The following BBS1 variants were observed in gnomAD, a reference collection of about 807,000 sequenced individuals.
BBS1 encodes the protein Bardet-Biedl syndrome 1.
In BBS1, 60 loss-of-function variants were observed where a neutral mutation model predicts 73.9. The observed-to-expected ratio is 0.81, with a 90% CI of 0.66 to 1.01. The LOEUF (loss-of-function observed/expected upper bound fraction) is 1.01. Among genes scored for constraint, BBS1 ranks in the 50% least tolerant of loss-of-function variants. BBS1 has a pLI of 0.00. For synonymous variants in BBS1, 283 were observed against 317.4 expected (o/e 0.89, Z 1.15); for missense variants, 718 against 770.3 (o/e 0.93, Z 0.80).
Position 66,531,861 on chromosome 11 carries a change from G to A in BBS1, c.1696-90G>A. 3 of 1,594,700 alleles carry A rather than the reference G, an allele frequency of 1.9e-6. No homozygotes were observed. The South Asian group carries it at 3.4e-5, about 18-fold the overall frequency. ...GTGGGGGTGGGGGTATCTGCACAGTGGAGCCCTGTGGCCTGTCATTAGGGC... is the reference window on the plus strand; with the variant it reads ...GTGGGGGTGGGGGTATCTGCACAGTAGAGCCCTGTGGCCTGTCATTAGGGC... On this transcript the variant is annotated intron_variant, in intron 16 of 16. Transcript: ENST00000318312.
At chr11:66,530,717 G>T (rs1856741156) in intron 14 of BBS1, among the ~76,000 whole-genome samples, 177 bp from the exon 15 acceptor site, 1 of 152,152 alleles carries the variant, frequency 6.6e-6, no homozygotes, top group African/African-American at 2.4e-5. Flanking sequence ...TCAGGCTCTT[G>T]CCCTCTCTGG....
At chr11:66,511,260 A>C (rs935704561) in intron 3 of BBS1, 21 bp downstream of exon 3, 1 of 1,613,850 alleles carries the variant, frequency 6.2e-7, no homozygotes, top group Admixed American at 1.7e-5. Context: ...CACCCTAGCC[A>C]GGAGAGTTGA....
Position 66,529,906 on chromosome 11 carries a change from G to T in BBS1, c.1427G>T (p.Ser476Ile). 1 of 1,607,220 alleles carries T rather than the reference G, an allele frequency of 6.2e-7. No homozygotes were observed. Among genetic ancestry groups the T allele is most frequent in the Non-Finnish European group, 8.5e-7 (1 of 1,179,834 alleles). Residue 476 changes from serine (S) to isoleucine (I), a missense_variant, in exon 14 of 17, where the codon AGC (serine) becomes ATC (isoleucine). Coordinates refer to ENST00000318312, the MANE Select transcript of BBS1 (RefSeq NM_024649.5). ...AYLQALESSL[S>I]PLSTTAREPL... Reference sequence around the variant, plus strand: ...CTGCAGGCCCTCGAGTCCAGCCTGAGCCCCCTGTCCACGACAGCCCGAGAG... The same window carrying T: ...CTGCAGGCCCTCGAGTCCAGCCTGATCCCCCTGTCCACGACAGCCCGAGAG...
intron 3 of BBS1, among the ~76,000 whole-genome samples, chr11:66,512,225 G>A (rs1009206596): frequency 6.6e-6 from 1 of 151,928 alleles, no homozygotes; most frequent in Non-Finnish European, 1.5e-5. Flanking sequence ...CATAAACATG[G>A]ATTTTATTTA....
At chr11:66,511,389 G>A in intron 3 of BBS1, 150 bp downstream of exon 3, 1 of 898,004 alleles carries the variant, frequency 1.1e-6, no homozygotes, top group African/African-American at 1.7e-5. Context: ...GTTTTTATAT[G>A]GAAAGTGAAG....
At chr11:66,522,202 C>T (rs1856268623) in intron 9 of BBS1, among the ~76,000 whole-genome samples, 2 of 149,994 alleles carry the variant, frequency 1.3e-5, no homozygotes, top group African/African-American at 4.9e-5. Context: ...GGGCACAGAG[C>T]GAGACTCTGT....
intron 11 of BBS1, among the ~76,000 whole-genome samples, chr11:66,525,316 G>A (rs562776969): frequency 2.6e-4 from 39 of 150,470 alleles, no homozygotes; most frequent in Admixed American, 1.2e-3. Flanking sequence ...CTGAGATCGC[G>A]CCACTGCACT....
At chr11:66,511,854 C>T (rs1855953901) in intron 3 of BBS1, among the ~76,000 whole-genome samples, 1 of 151,410 alleles carries the variant, frequency 6.6e-6, no homozygotes, top group African/African-American at 2.4e-5. Context: ...CAAAAATTAG[C>T]CGGGCATGGT....
Position 66,521,620 on chromosome 11 carries a change from G to T in BBS1, c.830+244G>T. On this transcript the variant is annotated intron_variant, in intron 9 of 16. Transcript: ENST00000318312. ...GTACAGGAGTGATCAGAAATGAGAGGACAGGCTGGGCGCTGTGGCTCACGC... is the reference window on the plus strand; with the variant it reads ...GTACAGGAGTGATCAGAAATGAGAGTACAGGCTGGGCGCTGTGGCTCACGC... The T allele has an allele frequency of 3.9e-6, 2 of 508,474 alleles. 1 individual carries two copies. Among genetic ancestry groups the T allele is most frequent in the South Asian group, 4.1e-5 (2 of 49,050 alleles). The allele number at this position is 508,474 out of a possible 1,614,324, so 31.5% of individuals were successfully genotyped here.
At chr11:66,519,262 T>G (rs1446144793) in intron 7 of BBS1, among the ~76,000 whole-genome samples, 1 of 151,958 alleles carries the variant, frequency 6.6e-6, no homozygotes, top group Non-Finnish European at 1.5e-5. Context: ...TCCCAGCTAG[T>G]TGGGAGGCTA....
chr11:66,526,290 G>A, intron 12 of BBS1, 98 bp downstream of exon 12: 1 of 1,248,038 alleles, frequency 8.0e-7, no homozygotes, highest in Admixed American at 1.9e-5. Flanking sequence ...AAGCATGGGT[G>A]GACCTGGGTG....
intron 9 of BBS1, 27 bp downstream of exon 9, chr11:66,521,403 C>G (rs373370853): frequency 6.3e-7 from 1 of 1,576,840 alleles, no homozygotes. Context: ...TCTCCGGGGC[C>G]GGGAGGAACA....
intron 11 of BBS1, among the ~76,000 whole-genome samples, chr11:66,525,795 A>G (rs1427042049): frequency 6.6e-6 from 1 of 152,220 alleles, no homozygotes; most frequent in Non-Finnish European, 1.5e-5. Flanking sequence ...GAGGTTTTCT[A>G]TCAGAGACCA....
At position 66,514,504 on chromosome 11, in the gene BBS1, A is replaced by T; in HGVS notation, c.258A>T (p.Pro86=). ...CCGAAAGCCCGCTACCTGCTCTGCCAGCTGCTGCTGCCACCTTCCTCATGG... is the reference window on the plus strand; with the variant it reads ...CCGAAAGCCCGCTACCTGCTCTGCCTGCTGCTGCTGCCACCTTCCTCATGG... ...VMTESPLPAL[P]AAAATFLMEQ... Residue 86 remains proline, a synonymous_variant, in exon 4 of 17, where the codon CCA becomes CCT. Transcript: ENST00000318312. 3.1e-6 allele frequency: 5 copies of T among 1,614,184 alleles called. No individual in the cohort carries two copies. The highest frequency in any genetic ancestry group is 4.2e-6 in the Non-Finnish European group (5 of 1,180,026).
At chr11:66,521,409 G>T in intron 9 of BBS1, 33 bp downstream of exon 9, 1 of 1,549,954 alleles carries the variant, frequency 6.5e-7, no homozygotes, top group South Asian at 1.1e-5. Flanking sequence ...GGGCCGGGAG[G>T]AACATCTCAG....
rs190639799 is a variant in BBS1, at chr11:66,511,191, C to T, written c.125-14C>T. The T allele has an allele frequency of 6.2e-4, 1,000 of 1,614,094 alleles. 9 individuals carry two copies. Among genetic ancestry groups the T allele is most frequent in the African/African-American group, 2.7e-5 (2 of 74,998 alleles). On this transcript the variant is annotated splice_polypyrimidine_tract_variant and intron_variant, in intron 2 of 16. Coordinates refer to ENST00000318312, the MANE Select transcript of BBS1 (RefSeq NM_024649.5). ...GGATTCTGAGACTCTGGTTTTGGCC[C>T]TTTTGTTTTCCAGCGCTGGCAGATT... is the stretch of plus-strand genomic sequence containing the variant.
At position 66,523,206 on chromosome 11, in the gene BBS1, G is replaced by A. The variant is rs553418635; in HGVS notation, c.831-250G>A. The A allele has an allele frequency of 6.4e-6, 4 of 625,092 alleles. No individual in the cohort carries two copies. In the Admixed American group the frequency reaches 8.5e-5, roughly 13 times the overall value. 38.7% of individuals were successfully genotyped at this position (625,092 alleles called of 1,614,324 possible). A position where few individuals can be genotyped will look rare whatever the true frequency, so the allele number is the denominator to read the frequency against. On this transcript the variant is annotated intron_variant, in intron 9 of 16. Transcript: ENST00000318312. ...CAAGCCACCATAGTGAAGGTGGGCGGAAGACAAGACACCATAGTGAAGGTG... is the reference window on the plus strand; with the variant it reads ...CAAGCCACCATAGTGAAGGTGGGCGAAAGACAAGACACCATAGTGAAGGTG...
chr11:66,522,334 T>C (rs577420081), intron 9 of BBS1, among the ~76,000 whole-genome samples: 8 of 151,034 alleles, frequency 5.3e-5, no homozygotes, highest in Admixed American at 2.0e-4. Context: ...CCATATAAAA[T>C]GCTTTTTTTT....
intron 7 of BBS1, among the ~76,000 whole-genome samples, chr11:66,516,284 C>T (rs1856048676): frequency 6.6e-6 from 1 of 152,020 alleles, no homozygotes; most frequent in African/African-American, 2.4e-5. Flanking sequence ...CACCAACACA[C>T]CCAGCTAATT....
Sources: gnomAD v4.1 joint callset for allele counts (sites outside exome capture counted in the v4.1 genomes callset) on GRCh38, gnomAD v4.1.1 for gene constraint, MANE v1.5 for transcripts, NCBI Gene and HGNC (gene_info 2026-07-23, HGNC 2026-07-21) for gene names.